The following NHSL1 variants were observed in gnomAD, a reference collection of about 807,000 sequenced individuals.
The protein encoded by NHSL1 is NHS like 1.
In NHSL1, 48 loss-of-function variants were observed where a neutral mutation model predicts 95.0. The observed-to-expected ratio is 0.51, with a 90% confidence interval of 0.40 to 0.64. NHSL1 has a LOEUF of 0.64. NHSL1 is among the 30% of genes least tolerant of loss of function. The pLI is 0.00. For synonymous variants in NHSL1, 783 were observed against 833.9 expected (o/e 0.94, Z 1.05); for missense variants, 1,971 against 2,077.7 (o/e 0.95, Z 1.00).
intron 1 of NHSL1, among the ~76,000 whole-genome samples, chr6:138,644,541 A>G (rs538337293): frequency 6.6e-6 from 1 of 152,312 alleles, no homozygotes; most frequent in South Asian, 2.1e-4. Context: ...AGTATCACAT[A>G]GTTGAAAAAG....
At chr6:138,575,377 G>A (rs778863573), upstream of NHSL1, among the ~76,000 whole-genome samples, 1 of 152,156 alleles carries the variant, frequency 6.6e-6, no homozygotes, top group Non-Finnish European at 1.5e-5. Flanking sequence ...AGAAGCTAAA[G>A]GAACATTTCC....
chr6:138,500,500 T>C (rs1780616238), upstream of NHSL1, among the ~76,000 whole-genome samples: 3 of 152,250 alleles, frequency 2.0e-5, no homozygotes, highest in Non-Finnish European at 4.4e-5. Flanking sequence ...CAGTTCCACT[T>C]CATGGCCAAA....
At chr6:138,435,076 C>T (rs1191625409) in intron 5 of NHSL1, 4 of 154,846 alleles carry the variant, frequency 2.6e-5, no homozygotes, top group East Asian at 3.9e-4. Flanking sequence ...CACATACACA[C>T]ACACGAGGCT....
At chr6:138,639,486 GA>G (rs552549872) in intron 1 of NHSL1, among the ~76,000 whole-genome samples, 5 of 151,016 alleles carry the variant, frequency 3.3e-5, no homozygotes, top group East Asian at 3.9e-4. Context: ...AAAAATACAA[GA>G]AAAAAAATAG....
chr6:138,472,388 A>T (rs1247309169), intron 3 of NHSL1, among the ~76,000 whole-genome samples: 1 of 152,190 alleles, frequency 6.6e-6, no homozygotes. Context: ...TTGATACAAC[A>T]GATGCATGCC....
chr6:138,689,935 A>T (rs1785639676), intron 1 of NHSL1, among the ~76,000 whole-genome samples: 1 of 152,206 alleles, frequency 6.6e-6, no homozygotes, highest in Admixed American at 6.5e-5. Flanking sequence ...GGCATGAGCC[A>T]CTGTGCCTGG....
At chr6:138,576,237 C>T (rs139831027), upstream of NHSL1, among the ~76,000 whole-genome samples, 142 of 152,184 alleles carry the variant, frequency 9.3e-4, no homozygotes, top group African/African-American at 3.1e-3. Context: ...GGTGATCTGC[C>T]CGCCTCAGCC....
intron 3 of NHSL1, among the ~76,000 whole-genome samples, chr6:138,472,602 G>C (rs1157906651): frequency 2.0e-5 from 3 of 152,108 alleles, no homozygotes; most frequent in Non-Finnish European, 4.4e-5. Context: ...CTTATTTTAA[G>C]TAATTCCAGT....
intron 2 of NHSL1, among the ~76,000 whole-genome samples, chr6:138,475,102 T>G (rs1778983438): frequency 6.7e-6 from 1 of 148,180 alleles, no homozygotes; most frequent in Non-Finnish European, 1.5e-5. Flanking sequence ...TGAGCCGAGA[T>G]CGCACCACTA....
chr6:138,497,729 G>A (rs1191254745), intron 1 of NHSL1, among the ~76,000 whole-genome samples: 1 of 152,136 alleles, frequency 6.6e-6, no homozygotes, highest in Non-Finnish European at 1.5e-5. Flanking sequence ...CCCAAACTTT[G>A]AACTGTCACT....
intron 1 of NHSL1, among the ~76,000 whole-genome samples, chr6:138,657,170 T>C (rs1211881313): frequency 6.6e-6 from 1 of 152,098 alleles, no homozygotes; most frequent in East Asian, 1.9e-4. Context: ...TAACAGAACG[T>C]CCAGTCTGCA....
chr6:138,680,806 G>A (rs1785502866), intron 1 of NHSL1, among the ~76,000 whole-genome samples: 1 of 151,938 alleles, frequency 6.6e-6, no homozygotes, highest in South Asian at 2.1e-4. Context: ...ATGTAGAGAC[G>A]GGCTTTCACC....
intron 2 of NHSL1, among the ~76,000 whole-genome samples, chr6:138,482,657 A>G (rs994609051): frequency 1.3e-5 from 2 of 152,158 alleles, no homozygotes; most frequent in Non-Finnish European, 2.9e-5. Context: ...AGCTTGGAGA[A>G]AACACAGAAT....
At chr6:138,489,955 AGAGAGG>A (rs1779971834) in intron 2 of NHSL1, among the ~76,000 whole-genome samples, 1 of 62,746 alleles carries the variant, frequency 1.6e-5, no homozygotes, top group African/African-American at 8.2e-5. Flanking sequence ...GGAGAGAAGG[AGAGAGG>A]GAGAGGGGGA....
intron 2 of NHSL1, among the ~76,000 whole-genome samples, chr6:138,494,834 G>A (rs944070827): frequency 6.6e-6 from 1 of 152,186 alleles, no homozygotes; most frequent in Non-Finnish European, 1.5e-5. Context: ...TTGGTTTGTT[G>A]TACTAAGAAA....
chr6:138,681,022 C>A (rs1293473724), intron 1 of NHSL1, among the ~76,000 whole-genome samples: 1 of 152,126 alleles, frequency 6.6e-6, no homozygotes. Context: ...ACAATTTATT[C>A]CAATGTTAAT....
At chr6:138,472,111 G>T (rs1372199348) in intron 3 of NHSL1, among the ~76,000 whole-genome samples, 2 of 148,420 alleles carry the variant, frequency 1.3e-5, no homozygotes, top group Non-Finnish European at 3.0e-5. Flanking sequence ...GAACCTGGGA[G>T]ATGGAGTTTG....
chr6:138,546,307 C>G (rs551961618), upstream of NHSL1, among the ~76,000 whole-genome samples: 4 of 151,690 alleles, frequency 2.6e-5, no homozygotes, highest in South Asian at 2.1e-4. Context: ...TATTTAAAAA[C>G]GGGGCGGACA....
At chr6:138,549,580 G>T (rs895049164), upstream of NHSL1, among the ~76,000 whole-genome samples, 4 of 152,156 alleles carry the variant, frequency 2.6e-5, no homozygotes, top group Non-Finnish European at 5.9e-5. Flanking sequence ...TAGAACTCGG[G>T]TTTCCTAAAT....
Sources: gnomAD v4.1 joint callset for allele counts (sites outside exome capture counted in the v4.1 genomes callset) on GRCh38, gnomAD v4.1.1 for gene constraint, MANE v1.5 for transcripts, NCBI Gene and HGNC (gene_info 2026-07-23, HGNC 2026-07-21) for gene names.